Variants in STMN2 observed in about 807,000 individuals in gnomAD.
STMN2 encodes the protein stathmin-2.
STMN2 carries 2 observed loss-of-function variants against 24.1 expected under a neutral mutation model. The observed-to-expected ratio is 0.08, with a 90% CI of 0.03 to 0.26. STMN2 has a LOEUF of 0.26. STMN2 is among the 10% of genes least tolerant of loss of function. STMN2 has a pLI of 1.00. For synonymous variants in STMN2, 83 were observed against 77.5 expected, an observed-to-expected ratio of 1.07 and a Z score of -0.37; for missense variants, 114 against 213.6, an observed-to-expected ratio of 0.53 and a Z score of 2.91.
At chr8:79,640,524 C>T (rs1392922414) in intron 2 of STMN2, among the ~76,000 whole-genome samples, 1 of 152,182 alleles carries the variant, frequency 6.6e-6, no homozygotes, top group Non-Finnish European at 1.5e-5. Context: ...CTCCCTCCTC[C>T]ACCACAGTGG....
At chr8:79,654,237 A>T (rs1025520715) in intron 3 of STMN2, among the ~76,000 whole-genome samples, 4 of 152,106 alleles carry the variant, frequency 2.6e-5, no homozygotes, top group Non-Finnish European at 5.9e-5. Flanking sequence ...ATCACTGAGC[A>T]ACCACAGGGT....
chr8:79,623,064 G>A (rs932479422), intron 1 of STMN2, among the ~76,000 whole-genome samples: 7 of 152,034 alleles, frequency 4.6e-5, no homozygotes, highest in Non-Finnish European at 8.8e-5. Context: ...GGATCCTCCC[G>A]TTGCTTTCTT....
At chr8:79,663,630 T>C in intron 4 of STMN2, 1 of 1,531,568 alleles carries the variant, frequency 6.5e-7, no homozygotes, top group Non-Finnish European at 8.7e-7. Flanking sequence ...AGTCTCAATT[T>C]CTGGAGCTTC....
chr8:79,623,791 A>T (rs985039412), intron 1 of STMN2, among the ~76,000 whole-genome samples: 5 of 152,206 alleles, frequency 3.3e-5, no homozygotes, highest in South Asian at 2.1e-4. Context: ...TTAAAAAAAA[A>T]AATAAACTCT....
intron 3 of STMN2, among the ~76,000 whole-genome samples, chr8:79,648,320 G>T (rs1027476779): frequency 1.3e-5 from 2 of 152,122 alleles, no homozygotes; most frequent in African/African-American, 4.8e-5. Context: ...CATGGTAAAA[G>T]GGTTAGCAAT....
At chr8:79,652,059 G>A (rs1480620152) in intron 3 of STMN2, among the ~76,000 whole-genome samples, 2 of 152,234 alleles carry the variant, frequency 1.3e-5, no homozygotes, top group East Asian at 3.8e-4. Flanking sequence ...TGGCTGATGG[G>A]TACCAGTTGC....
At chr8:79,644,145 G>C (rs111385411) in intron 3 of STMN2, among the ~76,000 whole-genome samples, 52 of 152,204 alleles carry the variant, frequency 3.4e-4, no homozygotes, top group Admixed American at 1.6e-3. Flanking sequence ...ATATATCTCA[G>C]TAATTATGTT....
At chr8:79,656,884 G>GTTTTTTTTTT (rs71266026) in intron 4 of STMN2, among the ~76,000 whole-genome samples, 3 of 150,202 alleles carry the variant, frequency 2.0e-5, no homozygotes, top group Non-Finnish European at 3.0e-5. Flanking sequence ...TTGTTTGTTT[G>GTTTTTTTTTT]TTTTTTTGAG....
intron 1 of STMN2, among the ~76,000 whole-genome samples, chr8:79,624,646 T>C (rs1809609851): frequency 1.3e-5 from 2 of 152,152 alleles, no homozygotes; most frequent in African/African-American, 4.8e-5. Flanking sequence ...CAGAAAAGTA[T>C]ACATTTCATC....
chr8:79,653,689 T>C (rs1810383509), intron 3 of STMN2, among the ~76,000 whole-genome samples: 1 of 152,256 alleles, frequency 6.6e-6, no homozygotes, highest in Non-Finnish European at 1.5e-5. Flanking sequence ...CTTTCAATGG[T>C]AATCAGTATT....
At chr8:79,664,676 G>A in intron 4 of STMN2, 139 bp from the exon 5 acceptor site, 1 of 531,592 alleles carries the variant, frequency 1.9e-6, no homozygotes. Flanking sequence ...CATTTTGCAG[G>A]GCCCATATTT....
At chr8:79,622,899 CATCTT>C (rs1213122480) in intron 1 of STMN2, among the ~76,000 whole-genome samples, 4 of 152,098 alleles carry the variant, frequency 2.6e-5, no homozygotes, top group African/African-American at 7.2e-5. Context: ...TCTTTCTTAA[CATCTT>C]ATCAATCCAT....
At chr8:79,626,158 G>C (rs1333387907) in intron 1 of STMN2, among the ~76,000 whole-genome samples, 1 of 151,854 alleles carries the variant, frequency 6.6e-6, no homozygotes, top group East Asian at 1.9e-4. Context: ...AAGGTTAATA[G>C]TTCCTGACCT....
chr8:79,613,877 G>A (rs763156802), intron 1 of STMN2: 20 of 970,038 alleles, frequency 2.1e-5, no homozygotes, highest in Non-Finnish European at 2.5e-5. Context: ...CTAAGAGCAG[G>A]GTTTGTGTGC....
intron 1 of STMN2, 38 bp downstream of exon 1, chr8:79,611,252 G>A: frequency 1.2e-6 from 2 of 1,612,880 alleles, no homozygotes; most frequent in East Asian, 2.2e-5. Context: ...GGCTCTACCT[G>A]GAGCCCACCT....
At chr8:79,622,289 CA>C (rs1308191525) in intron 1 of STMN2, among the ~76,000 whole-genome samples, 2 of 152,088 alleles carry the variant, frequency 1.3e-5, no homozygotes, top group Admixed American at 1.3e-4. Context: ...AGCATTTGGT[CA>C]TCAAAAATAT....
chr8:79,641,619 C>A lies in STMN2; in HGVS notation c.288+69C>A, dbSNP rs1045985032. 32 of 1,014,406 alleles carry A rather than the reference C, an allele frequency of 3.2e-5. No homozygotes were observed. The African/African-American group carries it at 5.2e-4, about 17-fold the overall frequency. 62.8% of individuals were successfully genotyped at this position (1,014,406 alleles called of 1,614,324 possible). ...CTCCTCCCTCTCACACACTCGGGCA[C>A]ACATGCACGCACACACACACACACA... On this transcript the variant is annotated intron_variant, in intron 3 of 4. Transcript: ENST00000220876.
intron 3 of STMN2, among the ~76,000 whole-genome samples, chr8:79,643,575 C>A (rs1204761742): frequency 6.6e-6 from 1 of 151,994 alleles, no homozygotes; most frequent in Non-Finnish European, 1.5e-5. Context: ...TAGGATGTTG[C>A]TGGTGTTTCT....
chr8:79,614,713 T>A lies in STMN2; in HGVS notation c.19+3499T>A, dbSNP rs1008127166. 2.0e-5 allele frequency among the ~76,000 whole-genome samples: 3 copies of A among 152,264 alleles called. No homozygotes were observed. In the South Asian group the frequency reaches 6.2e-4, roughly 32 times the overall value. On this transcript the variant is annotated intron_variant, in intron 1 of 4. Coordinates refer to ENST00000220876, the MANE Select transcript of STMN2 (RefSeq NM_007029.4). ...GTCAAAATTCACAATGGTTTTTTTT[T>A]ACAATAATGTGACTTACAGATTTGT...
Sources: gnomAD v4.1 joint callset for allele counts (sites outside exome capture counted in the v4.1 genomes callset) on GRCh38, gnomAD v4.1.1 for gene constraint, MANE v1.5 for transcripts, NCBI Gene and HGNC (gene_info 2026-07-23, HGNC 2026-07-21) for gene names.